TENM1: variants seen among roughly 807,000 people sequenced by gnomAD.
The protein encoded by TENM1 is teneurin-1.
Under a neutral mutation model 174.8 loss-of-function variants are expected in TENM1, and 35 were observed. The observed-to-expected ratio is 0.20, with a 90% CI of 0.15 to 0.27. The LOEUF (loss-of-function observed/expected upper bound fraction) is 0.27, where lower values mean the gene tolerates loss of function less well. Among genes scored for constraint, TENM1 ranks in the 10% least tolerant of loss-of-function variants. TENM1 has a pLI of 1.00. For synonymous variants in TENM1, 781 were observed against 798.7 expected, an observed-to-expected ratio of 0.98 and a Z score of 0.37; for missense variants, 1,633 against 2,130.1, an observed-to-expected ratio of 0.77 and a Z score of 4.59.
chrX:124,576,675 TAAG>T (rs888004475), intron 11 of TENM1, among the ~76,000 whole-genome samples: 7 of 112,410 alleles, frequency 6.2e-5, no homozygotes, highest in Non-Finnish European at 9.4e-5. Flanking sequence ...AGTGGCTACT[TAAG>T]AACTATTTCT....
the TENM1 span, among the ~76,000 whole-genome samples, chrX:125,200,630 CGT>C: frequency 2.0e-3 from 186 of 92,208 alleles, no homozygotes; most frequent in Middle Eastern, 0.022. Flanking sequence ...CAATTGCTTC[CGT>C]GTGTGTGTGT....
rs527881899 is a variant in TENM1, at chrX:124,839,077, C to G, written c.535+55219G>C. The stretch of plus-strand genomic sequence containing the variant: ...CTCAGCAGAGGAAATAGATAATCTG[C>G]GGTTTATTCATACAATGGAATATTA... On this transcript the variant is annotated intron_variant, in intron 3 of 31. Coordinates refer to ENST00000422452, the Ensembl canonical transcript of TENM1. Among the ~76,000 whole-genome samples, 3 of 111,178 alleles carry G rather than the reference C, an allele frequency of 2.7e-5. No individual in the cohort carries two copies. In the East Asian group the frequency reaches 8.5e-4, roughly 32 times the overall value.
the TENM1 span, among the ~76,000 whole-genome samples, chrX:125,038,776 G>GA: frequency 9.0e-6 from 1 of 111,401 alleles, no homozygotes; most frequent in South Asian, 3.8e-4. Context: ...GTGAATATTG[G>GA]AAAAAAAGGA....
intron 3 of TENM1, among the ~76,000 whole-genome samples, chrX:124,854,955 G>A (rs2056788163): frequency 9.0e-6 from 1 of 111,458 alleles, no homozygotes; most frequent in Non-Finnish European, 1.9e-5. Flanking sequence ...TATCTTTTTC[G>A]CAAATGGACA....
the TENM1 span, among the ~76,000 whole-genome samples, chrX:125,038,638 G>C: frequency 1.6e-4 from 18 of 110,969 alleles, no homozygotes; most frequent in Non-Finnish European, 3.2e-4. Context: ...TTTTGAATAT[G>C]ACATGCCTAT....
At chrX:125,011,271 G>C in the TENM1 span, among the ~76,000 whole-genome samples, 1 of 111,819 alleles carries the variant, frequency 8.9e-6, no homozygotes, top group African/African-American at 3.3e-5. Flanking sequence ...ACATGGGCAT[G>C]GGCAAAGACT....
intron 11 of TENM1, among the ~76,000 whole-genome samples, chrX:124,605,719 C>G (rs1197431866): frequency 9.0e-6 from 1 of 111,408 alleles, no homozygotes; most frequent in African/African-American, 3.3e-5. Context: ...ATACAATGCA[C>G]TGGATAATAT....
At chrX:124,763,452 T>C (rs1031045915) in intron 3 of TENM1, among the ~76,000 whole-genome samples, 2 of 111,193 alleles carry the variant, frequency 1.8e-5, no homozygotes, top group Non-Finnish European at 3.8e-5. Context: ...CCAAGTATAA[T>C]GGTGAAGGTG....
intron 5 of TENM1, among the ~76,000 whole-genome samples, chrX:124,675,603 G>GTTT (rs775859622): frequency 1.4e-4 from 13 of 90,812 alleles, no homozygotes; most frequent in African/African-American, 4.7e-4. Flanking sequence ...ACCAGGCACT[G>GTTT]TTTTTTTTTT....
intron 17 of TENM1, among the ~76,000 whole-genome samples, chrX:124,521,564 T>C (rs2047850987): frequency 8.9e-6 from 1 of 112,110 alleles, no homozygotes; most frequent in Admixed American, 9.5e-5. Flanking sequence ...AATTAATTGT[T>C]ATTACTTGTT....
chrX:124,491,785 T>C (rs1360986008), intron 20 of TENM1, among the ~76,000 whole-genome samples: 3 of 111,743 alleles, frequency 2.7e-5, no homozygotes, highest in Non-Finnish European at 5.7e-5. Flanking sequence ...TTCGGATCAA[T>C]AGGGCTGAGG....
the TENM1 span, among the ~76,000 whole-genome samples, chrX:125,068,887 G>A: frequency 9.8e-5 from 11 of 112,267 alleles, no homozygotes; most frequent in Non-Finnish European, 1.7e-4. Context: ...ACAGGTCCAG[G>A]ATAGCTGGAC....
intron 3 of TENM1, among the ~76,000 whole-genome samples, chrX:124,882,323 T>C (rs1209004414): frequency 1.8e-5 from 2 of 112,012 alleles, no homozygotes; most frequent in East Asian, 5.6e-4. Flanking sequence ...GAAGAATGTG[T>C]ATTCTGTATC....
chrX:125,025,445 C>T, the TENM1 span, among the ~76,000 whole-genome samples: 2 of 111,388 alleles, frequency 1.8e-5, no homozygotes, highest in South Asian at 3.7e-4. Context: ...AAATATAGCT[C>T]GGTTCAAAGA....
intron 6 of TENM1, among the ~76,000 whole-genome samples, chrX:124,655,021 T>A (rs73634531): frequency 0.022 from 2,512 of 112,072 alleles, 24 homozygotes; most frequent in African/African-American, 0.044. Context: ...CTTTAATGCG[T>A]ACAAGAAGGC....
chrX:124,404,176 G>A (rs1199890880), intron 27 of TENM1, among the ~76,000 whole-genome samples: 5 of 111,583 alleles, frequency 4.5e-5, no homozygotes, highest in Non-Finnish European at 9.4e-5. Context: ...AAACCTTCCC[G>A]GTATATCAGG....
chrX:124,636,192 T>A (rs980594730), intron 11 of TENM1, among the ~76,000 whole-genome samples: 1 of 111,643 alleles, frequency 9.0e-6, no homozygotes, highest in African/African-American at 3.3e-5. Flanking sequence ...ATTATAAGAA[T>A]CAGATGTTAA....
the TENM1 span, among the ~76,000 whole-genome samples, chrX:125,001,973 A>ACACACACACACAC: frequency 1.0e-5 from 1 of 97,844 alleles, no homozygotes; most frequent in African/African-American, 3.8e-5. Context: ...ACACACACAC[A>ACACACACACACAC]AGATCAAGTC....
the TENM1 span, among the ~76,000 whole-genome samples, chrX:125,025,719 G>A: frequency 9.0e-6 from 1 of 111,507 alleles, no homozygotes; most frequent in Non-Finnish European, 1.9e-5. Flanking sequence ...TAAGCTCTTG[G>A]TAAGAGACCT....
Sources: gnomAD v4.1 joint callset for allele counts (sites outside exome capture counted in the v4.1 genomes callset) on GRCh38, gnomAD v4.1.1 for gene constraint, MANE v1.5 for transcripts, NCBI Gene and HGNC (gene_info 2026-07-23, HGNC 2026-07-21) for gene names.